The following ST18 variants were observed in gnomAD, a reference collection of about 807,000 sequenced individuals.
ST18 encodes the protein ST18 C2H2C-type zinc finger transcription factor, also known as suppression of tumorigenicity 18 protein.
Under a neutral mutation model 110.0 loss-of-function variants are expected in ST18, and 50 were observed. The ratio of observed to expected loss-of-function variants is 0.45; its 90% CI spans 0.36 to 0.58. The LOEUF (loss-of-function observed/expected upper bound fraction) is 0.58. ST18 is among the 20% of genes least tolerant of loss of function. The pLI is 0.00. For synonymous variants in ST18, 461 were observed against 452.4 expected (o/e 1.02, Z -0.24); for missense variants, 1,306 against 1,280.1 (o/e 1.02, Z -0.31).
At chr8:52,206,104 G>A (rs1004916027) in intron 8 of ST18, among the ~76,000 whole-genome samples, 12 of 152,282 alleles carry the variant, frequency 7.9e-5, no homozygotes, top group Admixed American at 2.6e-4. Flanking sequence ...TCCTGTCTCT[G>A]ATTCAGTCGC....
chr8:52,175,223 C>T (rs2066447363), intron 9 of ST18, among the ~76,000 whole-genome samples: 1 of 152,136 alleles, frequency 6.6e-6, no homozygotes, highest in South Asian at 2.1e-4. Context: ...TCAAGGGTGG[C>T]TCTCTTGCCC....
chr8:52,321,570 G>A (rs963029928), intron 2 of ST18, among the ~76,000 whole-genome samples: 16 of 152,244 alleles, frequency 1.1e-4, no homozygotes, highest in African/African-American at 3.9e-4. Context: ...ATGGAAATTA[G>A]CTGCAAACAG....
intron 2 of ST18, among the ~76,000 whole-genome samples, chr8:52,323,807 G>T (rs1048086271): frequency 6.6e-6 from 1 of 152,106 alleles, no homozygotes; most frequent in African/African-American, 2.4e-5. Flanking sequence ...TTCAGTGCTC[G>T]CTCTTCTCAC....
chr8:52,366,117 G>A lies in ST18; in HGVS notation c.-465+43211C>T, dbSNP rs554795465. Among the ~76,000 whole-genome samples the A allele has an allele frequency of 1.0e-3, 154 of 152,178 alleles. 1 individual carries two copies. The highest frequency in any genetic ancestry group is 0.01 in the Admixed American group (153 of 15,274). The stretch of plus-strand genomic sequence containing the variant: ...TTGTCCAGAATCATTCCGCTGTGAG[G>A]GGGAGGAGGTAGGACTTGAACCCAG... On this transcript the variant is annotated intron_variant, in intron 2 of 25. Transcript: ENST00000689386.
At chr8:52,335,746 C>T (rs924181856) in intron 2 of ST18, among the ~76,000 whole-genome samples, 1 of 152,144 alleles carries the variant, frequency 6.6e-6, no homozygotes, top group African/African-American at 2.4e-5. Context: ...CCACCTCTTG[C>T]TTTGGAACCT....
At chr8:52,358,762 C>T (rs1824313604) in intron 2 of ST18, among the ~76,000 whole-genome samples, 1 of 151,818 alleles carries the variant, frequency 6.6e-6, no homozygotes, top group Admixed American at 6.6e-5. Flanking sequence ...GTGAATTGGC[C>T]TGGTGAATTC....
intron 8 of ST18, among the ~76,000 whole-genome samples, chr8:52,191,610 T>A (rs2074510199): frequency 6.6e-6 from 1 of 152,062 alleles, no homozygotes; most frequent in Non-Finnish European, 1.5e-5. Context: ...GAAGAGTTAG[T>A]TCGTACATGG....
intron 2 of ST18, among the ~76,000 whole-genome samples, chr8:52,230,626 C>T (rs955715282): frequency 3.3e-5 from 5 of 151,978 alleles, no homozygotes; most frequent in African/African-American, 4.8e-5. Context: ...CATTTACATA[C>T]GGGGTGGGGG....
At chr8:52,218,550 G>A (rs2085317972) in intron 5 of ST18, among the ~76,000 whole-genome samples, 1 of 144,766 alleles carries the variant, frequency 6.9e-6, no homozygotes, top group African/African-American at 2.6e-5. Flanking sequence ...ACCATGCCTG[G>A]CTAATTTTTT....
intron 5 of ST18, among the ~76,000 whole-genome samples, chr8:52,220,147 C>T (rs996409582): frequency 2.6e-5 from 4 of 152,096 alleles, no homozygotes; most frequent in African/African-American, 7.2e-5. Flanking sequence ...AAAGAAAACT[C>T]AGGGCAAGTA....
chr8:52,113,340 T>C lies in ST18; in HGVS notation c.3004-2A>G. ...AAAATTCTGCTCACTGATAGGTCCC[T>C]AAATGGAGACAAAACACATTGACCC... is the stretch of plus-strand genomic sequence containing the variant. On this transcript the variant is annotated splice_acceptor_variant, in intron 25 of 25. Coordinates refer to ENST00000689386, the MANE Select transcript of ST18 (RefSeq NM_001352837.2). LOFTEE classifies it high-confidence loss of function. 1.2e-6 allele frequency: 2 copies of C among 1,613,628 alleles called. No individual in the cohort carries two copies. The highest frequency in any genetic ancestry group is 1.7e-6 in the Non-Finnish European group (2 of 1,179,764).
At chr8:52,261,374 T>C (rs2094688961) in intron 2 of ST18, among the ~76,000 whole-genome samples, 1 of 151,756 alleles carries the variant, frequency 6.6e-6, no homozygotes, top group African/African-American at 2.4e-5. Flanking sequence ...TATTCATCTC[T>C]GCTCTACACC....
At chr8:52,228,845 C>A (rs979263154) in intron 3 of ST18, among the ~76,000 whole-genome samples, 3 of 152,046 alleles carry the variant, frequency 2.0e-5, no homozygotes, top group African/African-American at 7.2e-5. Context: ...CAGCAGAGAC[C>A]TGGCCTTCTA....
chr8:52,157,580 A>G (rs1483149724), intron 15 of ST18, among the ~76,000 whole-genome samples: 1 of 152,224 alleles, frequency 6.6e-6, no homozygotes, highest in African/African-American at 2.4e-5. Flanking sequence ...TATGTAAATA[A>G]TTTGTGACTA....
intron 6 of ST18, among the ~76,000 whole-genome samples, chr8:52,216,389 A>G (rs1262471399): frequency 1.3e-5 from 2 of 152,176 alleles, no homozygotes; most frequent in Non-Finnish European, 2.9e-5. Context: ...TTGTTGGTAT[A>G]GGATATAGAT....
chr8:52,264,500 A>G (rs774410204), intron 2 of ST18, among the ~76,000 whole-genome samples: 1 of 152,192 alleles, frequency 6.6e-6, no homozygotes, highest in African/African-American at 2.4e-5. Context: ...GCTCATTTAG[A>G]AAAAGAGAAA....
intron 2 of ST18, among the ~76,000 whole-genome samples, chr8:52,279,514 G>A (rs757599976): frequency 7.9e-5 from 12 of 152,078 alleles, no homozygotes; most frequent in Non-Finnish European, 1.5e-4. Context: ...GAAGTTGGGT[G>A]GAAATTTTCT....
chr8:52,176,631 T>C (rs1315949740), intron 9 of ST18, among the ~76,000 whole-genome samples: 1 of 152,168 alleles, frequency 6.6e-6, no homozygotes, highest in Non-Finnish European at 1.5e-5. Flanking sequence ...GCCTGATACA[T>C]ACAAGTTCAC....
At chr8:52,268,875 C>T (rs2094974567) in intron 2 of ST18, among the ~76,000 whole-genome samples, 1 of 152,192 alleles carries the variant, frequency 6.6e-6, no homozygotes, top group Admixed American at 6.5e-5. Context: ...AGCAGACCTG[C>T]TGCTTGGGGG....
Sources: gnomAD v4.1 joint callset for allele counts (sites outside exome capture counted in the v4.1 genomes callset) on GRCh38, gnomAD v4.1.1 for gene constraint, MANE v1.5 for transcripts, NCBI Gene and HGNC (gene_info 2026-07-23, HGNC 2026-07-21) for gene names.